The following ZMYM2 variants were observed in gnomAD, a reference collection of about 807,000 sequenced individuals.
ZMYM2 encodes the protein zinc finger MYM-type containing 2.
ZMYM2 carries 56 observed loss-of-function variants against 162.8 expected under a neutral mutation model. The observed-to-expected ratio is 0.34, with a 90% confidence interval of 0.28 to 0.43. The LOEUF (loss-of-function observed/expected upper bound fraction) is 0.43, where lower values mean the gene tolerates loss of function less well. Among genes scored for constraint, ZMYM2 ranks in the 20% least tolerant of loss-of-function variants. ZMYM2 has a pLI of 1.00. For missense variants in ZMYM2, 1,275 were observed against 1,621.8 expected, an observed-to-expected ratio of 0.79 and a Z score of 3.67; for synonymous variants, 510 against 541.6, an observed-to-expected ratio of 0.94 and a Z score of 0.81.
At chr13:19,940,035 A>G in the ZMYM2 span, among the ~76,000 whole-genome samples, 1 of 152,216 alleles carries the variant, frequency 6.6e-6, no homozygotes, top group African/African-American at 2.4e-5. Flanking sequence ...ACACAATACT[A>G]TTCAATTTTA....
At chr13:20,044,807 T>C (rs1049226794) in intron 12 of ZMYM2, among the ~76,000 whole-genome samples, 3 of 151,806 alleles carry the variant, frequency 2.0e-5, no homozygotes, top group Admixed American at 2.0e-4. Flanking sequence ...CCCAGCACTT[T>C]GGGAGGCCAA....
the ZMYM2 span, among the ~76,000 whole-genome samples, chr13:19,922,134 CAAACTCCTGACCTCAGGT>C: frequency 6.6e-6 from 1 of 151,942 alleles, no homozygotes; most frequent in Admixed American, 6.6e-5. Flanking sequence ...AGGCTGGTCT[CAAACTCCTGACCTCAGGT>C]GATCCGCCTG....
chr13:20,085,120 C>T (rs1958170634), intron 24 of ZMYM2, among the ~76,000 whole-genome samples: 3 of 152,052 alleles, frequency 2.0e-5, no homozygotes, highest in Non-Finnish European at 4.4e-5. Flanking sequence ...TTTATTTTCC[C>T]CTTGGGGTTG....
chr13:19,952,224 G>A, the ZMYM2 span, among the ~76,000 whole-genome samples: 1 of 152,118 alleles, frequency 6.6e-6, no homozygotes, highest in Non-Finnish European at 1.5e-5. Context: ...ATTACCAGGG[G>A]CTGGGGTGGT....
chr13:20,074,737 A>G (rs1593247991), intron 21 of ZMYM2, among the ~76,000 whole-genome samples: 1 of 151,822 alleles, frequency 6.6e-6, no homozygotes, highest in Non-Finnish European at 1.5e-5. Context: ...ACGAGGTTTC[A>G]CCGTGTTAGC....
At chr13:19,954,321 G>T (rs1475773841), upstream of ZMYM2, among the ~76,000 whole-genome samples, 1 of 150,820 alleles carries the variant, frequency 6.6e-6, no homozygotes, top group Non-Finnish European at 1.5e-5. Context: ...GTAGAGACGG[G>T]GTTTCACCGT....
intron 7 of ZMYM2, 121 bp from the exon 8 acceptor site, chr13:20,026,490 TA>T: frequency 1.0e-6 from 1 of 964,546 alleles, no homozygotes; most frequent in Non-Finnish European, 1.5e-6. Context: ...CTCATGACTC[TA>T]AACCTGTTTA....
At chr13:19,958,091 TATTCCCC>T (rs1358919345), upstream of ZMYM2, among the ~76,000 whole-genome samples, 1 of 152,160 alleles carries the variant, frequency 6.6e-6, no homozygotes, top group Non-Finnish European at 1.5e-5. Flanking sequence ...GGTGGGGGAC[TATTCCCC>T]ACGGGGCGCG....
chr13:20,067,280 A>G lies in ZMYM2; in HGVS notation c.3343A>G (p.Thr1115Ala). The G allele has an allele frequency of 6.3e-7, 1 of 1,587,616 alleles. No individual in the cohort carries two copies. Among genetic ancestry groups the G allele is most frequent in the Non-Finnish European group, 8.6e-7 (1 of 1,165,800 alleles). Residue 1115 changes from threonine (T) to alanine (A), a missense_variant, in exon 21 of 25, where the codon ACA becomes GCA. Physicochemically the swap from Thr to Ala is moderately conservative, Grantham distance 58 (BLOSUM62 0). This residue lies in a region of ZMYM2 where 229 missense variants were observed against 283.8 expected (regional missense o/e 0.81). Coordinates refer to ENST00000610343, the MANE Select transcript of ZMYM2 (RefSeq NM_197968.4). The part of the protein sequence containing the change: ...KLKEDLLSHT[T>A]AELNYGLAHF... ...AAAAGAGGATCTACTCTCTCACACCACAGCTGAGCTTAACTATGGGTTAGC... is the reference window on the plus strand; with the variant it reads ...AAAAGAGGATCTACTCTCTCACACCGCAGCTGAGCTTAACTATGGGTTAGC...
intron 2 of ZMYM2, among the ~76,000 whole-genome samples, chr13:19,976,099 C>T (rs547995005): frequency 3.3e-4 from 50 of 151,982 alleles, no homozygotes; most frequent in African/African-American, 1.1e-3. Flanking sequence ...TTTGGGAGGC[C>T]GAAGCGGGCA....
At chr13:19,976,113 C>A (rs1037643843) in intron 2 of ZMYM2, among the ~76,000 whole-genome samples, 2 of 152,014 alleles carry the variant, frequency 1.3e-5, no homozygotes, top group African/African-American at 4.8e-5. Flanking sequence ...GCGGGCAGAT[C>A]ACGAGGTCAA....
rs1955617343 is a variant in ZMYM2, at chr13:20,054,341, C to T, written c.2493+2030C>T. ...TAGAGGCAGTATGTATAGTAAAGAA[C>T]ATAAACTTTGACATCAGATGAGTCT... On this transcript the variant is annotated intron_variant, in intron 14 of 24. Transcript: ENST00000610343. Among the ~76,000 whole-genome samples, 3 of 152,198 alleles carry T rather than the reference C, an allele frequency of 2.0e-5. No homozygotes were observed. In the South Asian group the frequency reaches 6.2e-4, roughly 31 times the overall value.
intron 2 of ZMYM2, among the ~76,000 whole-genome samples, chr13:19,965,640 G>A (rs1019269158): frequency 6.6e-6 from 1 of 152,108 alleles, no homozygotes; most frequent in Admixed American, 6.6e-5. Flanking sequence ...TTGGGTGGAA[G>A]TGAAAATATA....
intron 2 of ZMYM2, among the ~76,000 whole-genome samples, chr13:19,984,081 T>C (rs754231352): frequency 1.3e-5 from 2 of 152,260 alleles, no homozygotes; most frequent in Non-Finnish European, 2.9e-5. Context: ...AGAAAGCGTT[T>C]AGATAGGCTT....
the ZMYM2 span, among the ~76,000 whole-genome samples, chr13:19,951,080 C>T: frequency 6.6e-6 from 1 of 151,846 alleles, no homozygotes; most frequent in Admixed American, 6.6e-5. Context: ...TATGTGTGGC[C>T]CAAGACAATA....
intron 2 of ZMYM2, among the ~76,000 whole-genome samples, chr13:19,990,132 C>T (rs1206647326): frequency 6.6e-6 from 1 of 152,150 alleles, no homozygotes; most frequent in East Asian, 1.9e-4. Flanking sequence ...CCAGTAAAAT[C>T]CAAACTTTCA....
chr13:19,941,322 C>CAA, the ZMYM2 span, among the ~76,000 whole-genome samples: 176 of 128,222 alleles, frequency 1.4e-3, no homozygotes, highest in South Asian at 7.5e-3. Context: ...AACAAAAAAA[C>CAA]AAAAAAAAAA....
intron 6 of ZMYM2, among the ~76,000 whole-genome samples, chr13:20,014,167 G>A (rs557293400): frequency 2.6e-4 from 40 of 152,072 alleles, no homozygotes; most frequent in Admixed American, 7.2e-4. Context: ...CCCGCCTCCC[G>A]GGTTCAAGCA....
At position 20,061,493 on chromosome 13, in the gene ZMYM2, A is replaced by G. The variant is rs138363435; in HGVS notation, c.2911+269A>G. Among the ~76,000 whole-genome samples, 677 of 152,320 alleles carry G rather than the reference A, an allele frequency of 4.4e-3. 4 individuals are homozygous for G. The highest frequency in any genetic ancestry group is 0.016 in the African/African-American group (654 of 41,578). ...AATCAACTCAAAATTATTCTTGTTAATGGAGTAGTGCTGATGCAAAACTAT... is the reference window on the plus strand; with the variant it reads ...AATCAACTCAAAATTATTCTTGTTAGTGGAGTAGTGCTGATGCAAAACTAT... On this transcript the variant is annotated intron_variant, in intron 17 of 24. Transcript: ENST00000610343.
Sources: allele counts gnomAD v4.1 joint callset (sites outside exome capture counted in the v4.1 genomes callset), GRCh38; gene constraint gnomAD v4.1.1; regional missense constraint gnomAD v4.1.1; transcripts MANE v1.5; gene names NCBI Gene and HGNC (gene_info 2026-07-23, HGNC 2026-07-21).